Variants in HS3ST4 observed in about 807,000 individuals in gnomAD.
HS3ST4 encodes the protein heparan sulfate glucosamine 3-O-sulfotransferase 4.
In HS3ST4, 17 loss-of-function variants were observed where a neutral mutation model predicts 29.2. The ratio of observed to expected loss-of-function variants is 0.58; its 90% confidence interval spans 0.40 to 0.87. HS3ST4 has a LOEUF of 0.87. Ranked by LOEUF, HS3ST4 falls within the 40% of genes least tolerant of loss-of-function variation. HS3ST4 has a pLI of 0.00. For missense variants in HS3ST4, 627 were observed against 634.5 expected (o/e 0.99, Z 0.13); for synonymous variants, 314 against 285.7 (o/e 1.10, Z -1.00).
At chr16:26,120,514 T>C (rs1334062100) in intron 1 of HS3ST4, among the ~76,000 whole-genome samples, 3 of 152,190 alleles carry the variant, frequency 2.0e-5, no homozygotes, top group Non-Finnish European at 4.4e-5. Flanking sequence ...TCTGGCTGAA[T>C]TTACTCAGCA....
At chr16:25,932,669 G>A (rs1306126863) in intron 1 of HS3ST4, among the ~76,000 whole-genome samples, 1 of 152,194 alleles carries the variant, frequency 6.6e-6, no homozygotes, top group Non-Finnish European at 1.5e-5. Context: ...CAGACACTGT[G>A]CTTAGCACTT....
intron 1 of HS3ST4, among the ~76,000 whole-genome samples, chr16:26,026,759 A>T (rs1969479552): frequency 6.6e-6 from 1 of 152,170 alleles, no homozygotes; most frequent in East Asian, 1.9e-4. Flanking sequence ...GGTCGTCATA[A>T]TTGTTTTGGA....
In HS3ST4 at chr16:26,085,265, T is replaced by C. The variant is rs1898773325; in HGVS notation, c.735-50347T>C. On this transcript the variant is annotated intron_variant, in intron 1 of 1. Coordinates refer to ENST00000331351, the MANE Select transcript of HS3ST4 (RefSeq NM_006040.3). ...CAGTAACACCCACTTCTCGGGATTG[T>C]GTAGACACTAATAAAGATGGCACAT... 2.0e-5 allele frequency among the ~76,000 whole-genome samples: 3 copies of C among 152,234 alleles called. No individual in the cohort carries two copies. The South Asian group carries it at 6.2e-4, about 32-fold the overall frequency.
chr16:25,780,812 G>C (rs528647570), intron 1 of HS3ST4, among the ~76,000 whole-genome samples: 3 of 152,152 alleles, frequency 2.0e-5, no homozygotes, highest in African/African-American at 7.2e-5. Flanking sequence ...GGTTAAATGA[G>C]CATGATTTGT....
intron 1 of HS3ST4, among the ~76,000 whole-genome samples, chr16:25,797,054 A>T (rs1006644854): frequency 6.6e-6 from 1 of 152,148 alleles, no homozygotes; most frequent in Non-Finnish European, 1.5e-5. Flanking sequence ...TTCTGTCCTC[A>T]CTGTAGCCCT....
intron 1 of HS3ST4, among the ~76,000 whole-genome samples, chr16:26,054,638 G>A (rs1898386044): frequency 6.6e-6 from 1 of 152,194 alleles, no homozygotes; most frequent in Non-Finnish European, 1.5e-5. Flanking sequence ...GGGTACTGGA[G>A]TGGGACAGCA....
intron 1 of HS3ST4, among the ~76,000 whole-genome samples, chr16:26,018,732 A>G (rs1181473269): frequency 1.3e-5 from 2 of 152,088 alleles, no homozygotes; most frequent in Admixed American, 6.5e-5. Context: ...TCCTCACAAC[A>G]TCGTGTTTGG....
Position 25,926,075 on chromosome 16 carries a change from A to G in HS3ST4, c.735-209537A>G, listed in dbSNP as rs1413713683. On this transcript the variant is annotated intron_variant, in intron 1 of 1. Transcript: ENST00000331351. ...AAAAAGTTGATCAAGGTTATGATTT[A>G]TATGTCATAAAAACTTTACTACATT... Among the ~76,000 whole-genome samples the G allele has an allele frequency of 2.0e-5, 3 of 152,200 alleles. 1 individual carries two copies. Among genetic ancestry groups the G allele is most frequent in the Non-Finnish European group, 2.9e-5 (2 of 68,048 alleles).
chr16:25,902,039 C>T (rs1444808162), intron 1 of HS3ST4, among the ~76,000 whole-genome samples: 2 of 152,210 alleles, frequency 1.3e-5, no homozygotes, highest in Non-Finnish European at 2.9e-5. Flanking sequence ...CACATCTCCA[C>T]CACGATATGG....
Position 25,869,479 on chromosome 16 carries a change from A to AT in HS3ST4, c.734+176336dup, listed in dbSNP as rs535213211. Among the ~76,000 whole-genome samples the AT allele has an allele frequency of 5.9e-5, 9 of 151,744 alleles. No homozygotes were observed. The East Asian group carries it at 1.2e-3, about 20-fold the overall frequency. ...GGGCATGTTATTTGACCTCTTTTTG[A>AT]TTTTTTTTCGAATGCAAACTAGGTG... On this transcript the variant is annotated intron_variant, in intron 1 of 1. Transcript: ENST00000331351.
At chr16:26,052,367 T>G (rs910535287) in intron 1 of HS3ST4, among the ~76,000 whole-genome samples, 2 of 152,184 alleles carry the variant, frequency 1.3e-5, no homozygotes, top group African/African-American at 4.8e-5. Context: ...TTATTACTTC[T>G]TAATTATTAT....
intron 1 of HS3ST4, among the ~76,000 whole-genome samples, chr16:26,112,134 G>A (rs955047559): frequency 1.3e-5 from 2 of 152,082 alleles, no homozygotes; most frequent in African/African-American, 2.4e-5. Flanking sequence ...TAGCTTATTG[G>A]GTTGCAGCTT....
intron 1 of HS3ST4, among the ~76,000 whole-genome samples, chr16:26,063,516 A>G (rs575675385): frequency 6.0e-4 from 82 of 137,494 alleles, no homozygotes; most frequent in Admixed American, 1.3e-3. Flanking sequence ...GTCTCTACTG[A>G]AAAAAAAAAA....
At chr16:26,087,510 C>T (rs1367607087) in intron 1 of HS3ST4, among the ~76,000 whole-genome samples, 9 of 151,910 alleles carry the variant, frequency 5.9e-5, no homozygotes, top group African/African-American at 1.9e-4. Context: ...ACTCCCTCAG[C>T]GTCCAAGCCA....
chr16:26,056,638 C>T (rs1898412018), intron 1 of HS3ST4, among the ~76,000 whole-genome samples: 1 of 152,190 alleles, frequency 6.6e-6, no homozygotes, highest in African/African-American at 2.4e-5. Context: ...TATTAGCAGC[C>T]TCTTATTCAG....
chr16:25,880,574 C>G (rs1377402210), intron 1 of HS3ST4, among the ~76,000 whole-genome samples: 1 of 152,150 alleles, frequency 6.6e-6, no homozygotes, highest in Non-Finnish European at 1.5e-5. Flanking sequence ...CAATGTATAG[C>G]CGCTTTCATC....
At chr16:26,068,269 T>A (rs116122426) in intron 1 of HS3ST4, among the ~76,000 whole-genome samples, 3,069 of 152,284 alleles carry the variant, frequency 0.02, 117 homozygotes, top group African/African-American at 0.068. Context: ...GAGGAAGACA[T>A]TGCCACATTC....
At chr16:25,848,072 T>C (rs1967483285) in intron 1 of HS3ST4, among the ~76,000 whole-genome samples, 1 of 152,068 alleles carries the variant, frequency 6.6e-6, no homozygotes, top group Non-Finnish European at 1.5e-5. Flanking sequence ...ATTGTGAGAA[T>C]GTCAGTAGAA....
intron 1 of HS3ST4, among the ~76,000 whole-genome samples, chr16:25,774,104 C>T (rs1029813339): frequency 1.3e-5 from 2 of 152,204 alleles, no homozygotes; most frequent in Non-Finnish European, 2.9e-5. Flanking sequence ...GAACTAGTCC[C>T]TGCCCATGCA....
Sources: allele counts gnomAD v4.1 joint callset (sites outside exome capture counted in the v4.1 genomes callset), GRCh38; gene constraint gnomAD v4.1.1; transcripts MANE v1.5; gene names NCBI Gene and HGNC (gene_info 2026-07-23, HGNC 2026-07-21).